CRISPLD2: variants seen among roughly 807,000 people sequenced by gnomAD.
CRISPLD2 encodes cysteine-rich secretory protein LCCL domain-containing 2.
CRISPLD2 carries 47 observed loss-of-function variants against 71.1 expected under a neutral mutation model. That is an observed-to-expected ratio of 0.66 (90% CI 0.52 to 0.84). The LOEUF (loss-of-function observed/expected upper bound fraction) is 0.84. Among genes scored for constraint, CRISPLD2 ranks in the 40% least tolerant of loss-of-function variants. CRISPLD2 has a pLI of 0.00. For synonymous variants in CRISPLD2, 317 were observed against 250.1 expected (o/e 1.27, Z -2.52); for missense variants, 830 against 651.1 (o/e 1.27, Z -2.99).
chr16:84,849,657 T>C (rs1385143143), intron 4 of CRISPLD2, 140 bp downstream of exon 4: 27 of 837,694 alleles, frequency 3.2e-5, no homozygotes, highest in Non-Finnish European at 4.9e-5. Flanking sequence ...CTATACAGAG[T>C]ACAGCTGGGA....
intron 13 of CRISPLD2, among the ~76,000 whole-genome samples, chr16:84,881,660 G>A (rs778533221): frequency 5.3e-5 from 8 of 152,076 alleles, no homozygotes; most frequent in Admixed American, 2.6e-4. Flanking sequence ...TTTCTGAATA[G>A]AGGCAAGGTC....
chr16:84,841,571 C>T (rs573750559), intron 2 of CRISPLD2, among the ~76,000 whole-genome samples: 5 of 149,814 alleles, frequency 3.3e-5, no homozygotes, highest in South Asian at 2.1e-4. Flanking sequence ...GGTTTTTTTG[C>T]GGGAGAGGAT....
chr16:84,846,235 C>G lies in CRISPLD2; in HGVS notation c.359+331C>G, dbSNP rs116995492. ...CCTCCCTCCTTCCCTTCCCTCCCTTCCCCTCCCCTCCCCTCCCCTTCCCTT... is the reference window on the plus strand; with the variant it reads ...CCTCCCTCCTTCCCTTCCCTCCCTTGCCCTCCCCTCCCCTCCCCTTCCCTT... On this transcript the variant is annotated intron_variant, in intron 3 of 14. Transcript: ENST00000262424. 1.1e-4 allele frequency: 20 copies of G among 184,436 alleles called. No homozygotes were observed. In the East Asian group the frequency reaches 3.0e-3, roughly 28 times the overall value. The allele number at this position is 184,436 out of a possible 1,614,324, so 11.4% of individuals were successfully genotyped here. A position where few individuals can be genotyped will look rare whatever the true frequency, so the allele number is the denominator to read the frequency against.
At chr16:84,902,492 C>G (rs546250328) in intron 14 of CRISPLD2, among the ~76,000 whole-genome samples, 13 of 151,742 alleles carry the variant, frequency 8.6e-5, no homozygotes, top group African/African-American at 3.1e-4. Context: ...CACTTGTAGT[C>G]CCAGCTACTC....
intron 1 of CRISPLD2, among the ~76,000 whole-genome samples, chr16:84,823,642 TGACGAGTACTCTTGGACAAA>T (rs1244561645): frequency 1.1e-4 from 17 of 152,150 alleles, no homozygotes; most frequent in African/African-American, 4.1e-4. Context: ...GGCTGTACAA[TGACGAGTACTCTTGGACAAA>T]GACCCCTCTT....
At chr16:84,902,161 A>G (rs2071760888) in intron 14 of CRISPLD2, among the ~76,000 whole-genome samples, 2 of 152,134 alleles carry the variant, frequency 1.3e-5, no homozygotes, top group African/African-American at 4.8e-5. Context: ...TTCTAGAACA[A>G]AATTCCAACA....
chr16:84,860,073 C>G (rs1917340463), intron 6 of CRISPLD2, among the ~76,000 whole-genome samples: 2 of 94,130 alleles, frequency 2.1e-5, no homozygotes, highest in South Asian at 1.0e-3. Context: ...CCATCCCAAT[C>G]TCCCTAAGCC....
intron 14 of CRISPLD2, among the ~76,000 whole-genome samples, chr16:84,904,813 A>G (rs2071787236): frequency 6.6e-6 from 1 of 152,152 alleles, no homozygotes; most frequent in African/African-American, 2.4e-5. Context: ...ATTAACTCAA[A>G]ATGGATCCAA....
At chr16:84,887,599 G>A (rs554918313) in intron 13 of CRISPLD2, among the ~76,000 whole-genome samples, 9 of 152,346 alleles carry the variant, frequency 5.9e-5, no homozygotes, top group Admixed American at 3.9e-4. Flanking sequence ...AAGTCAGGCC[G>A]GGCGCGGCGG....
intron 13 of CRISPLD2, among the ~76,000 whole-genome samples, chr16:84,888,788 G>A (rs906206591): frequency 1.1e-4 from 16 of 152,256 alleles, no homozygotes; most frequent in South Asian, 4.1e-4. Flanking sequence ...CCTTTATGTC[G>A]TTCTGTCTTC....
intron 12 of CRISPLD2, among the ~76,000 whole-genome samples, chr16:84,878,637 G>A (rs545924096): frequency 2.6e-5 from 4 of 152,308 alleles, no homozygotes; most frequent in Admixed American, 1.3e-4. Context: ...ATGCCTCCCA[G>A]CATAAAATAA....
At chr16:84,878,327 T>C (rs2087986) in intron 12 of CRISPLD2, among the ~76,000 whole-genome samples, 60,999 of 146,372 alleles carry the variant, frequency 0.42, 12,900 homozygotes, top group East Asian at 0.65. Context: ...TCATTACTGC[T>C]CTGGTGGCCA....
intron 1 of CRISPLD2, among the ~76,000 whole-genome samples, chr16:84,821,399 C>T (rs1020092174): frequency 6.6e-6 from 1 of 152,164 alleles, no homozygotes; most frequent in African/African-American, 2.4e-5. Context: ...GGCAGGCACG[C>T]GGTCTGTGCC....
At chr16:84,856,711 C>T (rs1257080329) in intron 6 of CRISPLD2, among the ~76,000 whole-genome samples, 3 of 152,178 alleles carry the variant, frequency 2.0e-5, no homozygotes, top group African/African-American at 4.8e-5. Flanking sequence ...CAAGTATTGT[C>T]ACCTAGTTGG....
At chr16:84,842,871 C>G (rs771193660) in intron 2 of CRISPLD2, among the ~76,000 whole-genome samples, 1 of 152,152 alleles carries the variant, frequency 6.6e-6, no homozygotes, top group Non-Finnish European at 1.5e-5. Flanking sequence ...GAGAGGTTGT[C>G]AGCATCTGGG....
intron 14 of CRISPLD2, among the ~76,000 whole-genome samples, chr16:84,901,875 C>T (rs1597488398): frequency 7.0e-6 from 1 of 141,990 alleles, no homozygotes; most frequent in African/African-American, 2.6e-5. Flanking sequence ...CTCGTTGTAA[C>T]CTCCACCTCC....
chr16:84,834,759 G>A (rs1351351588), intron 1 of CRISPLD2, among the ~76,000 whole-genome samples: 2 of 152,090 alleles, frequency 1.3e-5, no homozygotes, highest in African/African-American at 4.8e-5. Context: ...GGTTTCTTCT[G>A]GGGTCTCTCT....
chr16:84,852,330 T>A (rs1917112031), intron 5 of CRISPLD2, among the ~76,000 whole-genome samples: 1 of 114,886 alleles, frequency 8.7e-6, no homozygotes, highest in Non-Finnish European at 2.0e-5. Flanking sequence ...ATGGACAGTG[T>A]CTCCCATGCC....
chr16:84,847,809 C>G (rs188173776), intron 3 of CRISPLD2, among the ~76,000 whole-genome samples: 36 of 152,342 alleles, frequency 2.4e-4, no homozygotes, highest in Admixed American at 9.1e-4. Flanking sequence ...AGACTGTAGC[C>G]TGGATCACTT....
Sources: allele counts gnomAD v4.1 joint callset (sites outside exome capture counted in the v4.1 genomes callset), GRCh38; gene constraint gnomAD v4.1.1; transcripts MANE v1.5; gene names NCBI Gene and HGNC (gene_info 2026-07-23, HGNC 2026-07-21).